LRIG2: variants seen among roughly 807,000 people sequenced by gnomAD.
LRIG2 encodes leucine-rich repeats and immunoglobulin-like domains protein 2.
A neutral mutation model predicts 107.8 loss-of-function variants in LRIG2; 93 were observed. The ratio of observed to expected loss-of-function variants is 0.86; its 90% CI spans 0.73 to 1.03. The LOEUF (loss-of-function observed/expected upper bound fraction) is 1.03. Ranked by LOEUF, LRIG2 falls within the 50% of genes least tolerant of loss-of-function variation. The pLI is 0.00. For missense variants in LRIG2, 1,226 were observed against 1,296.0 expected (o/e 0.95, Z 0.83); for synonymous variants, 471 against 470.6 (o/e 1.00, Z -0.01).
At chr1:113,112,335 A>G (rs1304449083) in intron 13 of LRIG2, 144 bp from the exon 14 acceptor site, 1 of 722,084 alleles carries the variant, frequency 1.4e-6, no homozygotes, top group East Asian at 2.5e-5. Flanking sequence ...AACTATATTC[A>G]CTCTCAATCA....
chr1:113,087,798 A>T (rs1325527011), intron 1 of LRIG2, among the ~76,000 whole-genome samples: 1 of 152,142 alleles, frequency 6.6e-6, no homozygotes, highest in Non-Finnish European at 1.5e-5. Flanking sequence ...AATTAGGCGT[A>T]AAAGCTAATT....
chr1:113,075,704 T>TC (rs1176868888), intron 1 of LRIG2, among the ~76,000 whole-genome samples: 1 of 149,098 alleles, frequency 6.7e-6, no homozygotes, highest in Non-Finnish European at 1.5e-5. Flanking sequence ...TTTTTTTTTT[T>TC]TTTTTTTTGA....
chr1:113,125,825 T>C lies in LRIG2; in HGVS notation c.*1724T>C, dbSNP rs1007248177. 1.3e-5 allele frequency: 2 copies of C among 152,232 alleles called. No homozygotes were observed. Among genetic ancestry groups the C allele is most frequent in the African/African-American group, 2.4e-5 (1 of 41,458 alleles). 9.4% of individuals were successfully genotyped at this position (152,232 alleles called of 1,614,324 possible). ...AGTTGCAACAGGTGTATTATTTAAA[T>C]GAGTATTTGAAATTCTGTGAACAGG... On this transcript the variant is annotated 3_prime_UTR_variant, in exon 18 of 18. Coordinates refer to ENST00000361127, the MANE Select transcript of LRIG2 (RefSeq NM_014813.3).
At chr1:113,090,336 A>G (rs1279052138) in intron 1 of LRIG2, among the ~76,000 whole-genome samples, 2 of 152,154 alleles carry the variant, frequency 1.3e-5, no homozygotes, top group Non-Finnish European at 2.9e-5. Flanking sequence ...GTGGCTGGAA[A>G]CAAAAGTGGG....
At chr1:113,078,697 A>G (rs931526253) in intron 1 of LRIG2, among the ~76,000 whole-genome samples, 7 of 148,920 alleles carry the variant, frequency 4.7e-5, no homozygotes, top group Admixed American at 2.7e-4. Context: ...CTGGAGTGCA[A>G]TGGTCCAGTC....
chr1:113,073,340 GCTT>G lies in LRIG2; in HGVS notation c.-64_-62del, dbSNP rs1652785823. On this transcript the variant is annotated 5_prime_UTR_variant, in exon 1 of 18. Transcript: ENST00000361127. ...TGCAGCCACCGAGCATCTCTGCTGA[GCTT>G]CTCCGCCGATCCTCCTTTTCTAGCA... is the stretch of plus-strand genomic sequence containing the variant. The G allele has an allele frequency of 3.0e-6, 4 of 1,329,080 alleles. No homozygotes were observed. The highest frequency in any genetic ancestry group is 3.2e-6 in the Non-Finnish European group (3 of 934,012). 82.3% of individuals were successfully genotyped at this position (1,329,080 alleles called of 1,614,324 possible).
At chr1:113,123,723 GTT>G (rs139220276) in intron 17 of LRIG2, 150 bp from the exon 18 acceptor site, 2 of 551,716 alleles carry the variant, frequency 3.6e-6, no homozygotes, top group African/African-American at 4.0e-5. Flanking sequence ...TCTGGTGGTG[GTT>G]TTTGTGTGTG....
rs185125503 is a variant in LRIG2 at position 113,122,279 on chromosome 1, G to T, written c.2972-1596G>T. On this transcript the variant is annotated intron_variant, in intron 17 of 17. Coordinates refer to ENST00000361127, the MANE Select transcript of LRIG2 (RefSeq NM_014813.3). The stretch of plus-strand genomic sequence containing the variant: ...TTGTATTTTTTTTAGTGGAGACAGG[G>T]TTTCACCATGTTGGCCAGGCTGGTC... 2.2e-3 allele frequency among the ~76,000 whole-genome samples: 332 copies of T among 151,732 alleles called. 1 individual carries two copies. Among genetic ancestry groups the T allele is most frequent in the African/African-American group, 7.8e-3 (321 of 41,412 alleles).
chr1:113,091,198 A>G, intron 1 of LRIG2, 120 bp from the exon 2 acceptor site: 1 of 555,332 alleles, frequency 1.8e-6, no homozygotes. Context: ...TGCCAGGATT[A>G]CAGGCATGAG....
intron 2 of LRIG2, among the ~76,000 whole-genome samples, chr1:113,092,475 A>G (rs1653871062): frequency 6.6e-6 from 1 of 152,186 alleles, no homozygotes; most frequent in South Asian, 2.1e-4. Flanking sequence ...TAACATTTGT[A>G]TAGCTTTAGA....
intron 12 of LRIG2, among the ~76,000 whole-genome samples, chr1:113,108,885 A>ATT (rs898230489): frequency 6.6e-6 from 1 of 150,482 alleles, no homozygotes. Context: ...CAAAAAAACA[A>ATT]TTTTTTTTTT....
At chr1:113,105,496 T>C (rs1478009924) in intron 11 of LRIG2, among the ~76,000 whole-genome samples, 1 of 152,216 alleles carries the variant, frequency 6.6e-6, no homozygotes, top group Non-Finnish European at 1.5e-5. Context: ...CCTCCTGTTA[T>C]TGATGCAAAG....
intron 17 of LRIG2, among the ~76,000 whole-genome samples, chr1:113,122,113 C>T (rs905200431): frequency 2.5e-5 from 3 of 118,930 alleles, no homozygotes; most frequent in Non-Finnish European, 3.2e-5. Context: ...TACAGAGTCT[C>T]GCTCTGTCGC....
intron 11 of LRIG2, among the ~76,000 whole-genome samples, chr1:113,106,098 C>CT (rs1299980911): frequency 1.3e-5 from 2 of 151,992 alleles, no homozygotes; most frequent in Non-Finnish European, 2.9e-5. Context: ...CATGGTGGCA[C>CT]GCACCTGTAG....
At position 113,130,165 on chromosome 1, in the gene LRIG2, C is replaced by T. The variant is rs1655650589; in HGVS notation, c.*6064C>T. Reference sequence around the variant, plus strand: ...CCTCCCAAAGTGCAGGGATTATAGGCATGAGCCACCGCACCCCGCAGTACT... The same window carrying T: ...CCTCCCAAAGTGCAGGGATTATAGGTATGAGCCACCGCACCCCGCAGTACT... On this transcript the variant is annotated 3_prime_UTR_variant, in exon 18 of 18. Transcript: ENST00000361127. 6.6e-6 allele frequency: 1 copy of T among 152,346 alleles called. No individual in the cohort carries two copies. 9.4% of individuals were successfully genotyped at this position (152,346 alleles called of 1,614,324 possible).
intron 1 of LRIG2, among the ~76,000 whole-genome samples, chr1:113,083,997 T>TATAATAATAATA (rs55895711): frequency 1.6e-5 from 2 of 125,706 alleles, no homozygotes; most frequent in African/African-American, 5.7e-5. Context: ...GAACTTAAAG[T>TATAATAATAATA]ATAATAATAA....
chr1:113,124,011 T>A lies in LRIG2; in HGVS notation c.3108T>A (p.Ser1036=). 1.2e-6 allele frequency: 2 copies of A among 1,614,198 alleles called. No homozygotes were observed. Among genetic ancestry groups the A allele is most frequent in the Non-Finnish European group, 1.7e-6 (2 of 1,180,044 alleles). The part of the protein sequence containing the change: ...EGLAGREPDC[S]ASSMSCHRLQ... ...TGGCAGGGAGAGAGCCAGACTGTTCTGCTTCTTCCATGTCCTGCCACAGGT... is the reference window on the plus strand; with the variant it reads ...TGGCAGGGAGAGAGCCAGACTGTTCAGCTTCTTCCATGTCCTGCCACAGGT... Residue 1036 remains serine, a synonymous_variant, in exon 18 of 18, where the codon TCT becomes TCA. Coordinates refer to ENST00000361127, the MANE Select transcript of LRIG2 (RefSeq NM_014813.3).
intron 1 of LRIG2, among the ~76,000 whole-genome samples, chr1:113,087,328 T>C (rs996637731): frequency 6.6e-6 from 1 of 152,180 alleles, no homozygotes; most frequent in South Asian, 2.1e-4. Flanking sequence ...ATTTGAAGTC[T>C]TCATTTATTT....
At chr1:113,085,453 T>G (rs772526873) in intron 1 of LRIG2, among the ~76,000 whole-genome samples, 1 of 152,154 alleles carries the variant, frequency 6.6e-6, no homozygotes, top group African/African-American at 2.4e-5. Flanking sequence ...CCTGGCTAAT[T>G]TTGTATTTTT....
Sources: allele counts gnomAD v4.1 joint callset (sites outside exome capture counted in the v4.1 genomes callset), GRCh38; gene constraint gnomAD v4.1.1; transcripts MANE v1.5; gene names NCBI Gene and HGNC (gene_info 2026-07-23, HGNC 2026-07-21).